Variants in SLC35A1 observed in about 807,000 individuals in gnomAD.
SLC35A1 encodes CMP-sialic acid transporter.
In SLC35A1, 21 loss-of-function variants were observed where a neutral mutation model predicts 40.3. The observed-to-expected ratio is 0.52, with a 90% CI of 0.37 to 0.75. The LOEUF is 0.75. Ranked by LOEUF, SLC35A1 falls within the 30% of genes least tolerant of loss-of-function variation. The pLI is 0.00. For synonymous variants in SLC35A1, 146 were observed against 147.3 expected (o/e 0.99, Z 0.06); for missense variants, 297 against 382.1 (o/e 0.78, Z 1.86).
intron 2 of SLC35A1, among the ~76,000 whole-genome samples, chr6:87,489,898 C>T (rs1284196257): frequency 6.6e-6 from 1 of 150,420 alleles, no homozygotes; most frequent in Non-Finnish European, 1.5e-5. Context: ...CAGACAAAGA[C>T]AGTATTTAAC....
At chr6:87,490,031 C>T (rs145705722) in intron 2 of SLC35A1, among the ~76,000 whole-genome samples, 299 of 151,932 alleles carry the variant, frequency 2.0e-3, no homozygotes, top group African/African-American at 7.0e-3. Context: ...GGGTTAAAGA[C>T]CAGCTTGGGC....
At chr6:87,500,422 TC>T in intron 2 of SLC35A1, 85 bp from the exon 3 acceptor site, 1 of 1,320,678 alleles carries the variant, frequency 7.6e-7, no homozygotes, top group Non-Finnish European at 1.1e-6. Context: ...AGTATGCTTG[TC>T]CTGTGTTTGA....
chr6:87,498,522 C>T (rs964101109), intron 2 of SLC35A1, among the ~76,000 whole-genome samples: 2 of 152,016 alleles, frequency 1.3e-5, no homozygotes, highest in African/African-American at 4.8e-5. Flanking sequence ...GCCTGTAATT[C>T]CAGCACTTTG....
At chr6:87,491,974 T>C (rs1253966960) in intron 2 of SLC35A1, among the ~76,000 whole-genome samples, 4 of 152,218 alleles carry the variant, frequency 2.6e-5, no homozygotes, top group African/African-American at 9.6e-5. Flanking sequence ...CCATAGCACA[T>C]TACACATACA....
At chr6:87,507,064 A>G (rs894393730) in intron 5 of SLC35A1, 1 of 152,676 alleles carries the variant, frequency 6.5e-6, no homozygotes, top group Non-Finnish European at 1.5e-5. Flanking sequence ...ATAAGAAAGT[A>G]TGAATATTAA....
intron 1 of SLC35A1, among the ~76,000 whole-genome samples, chr6:87,476,594 G>A (rs62419372): frequency 0.054 from 8,112 of 151,530 alleles, 236 homozygotes; most frequent in Middle Eastern, 0.079. Context: ...GTGTAGTGGC[G>A]GGTGCCTGTA....
intron 2 of SLC35A1, among the ~76,000 whole-genome samples, chr6:87,478,490 G>T (rs1393328654): frequency 6.6e-6 from 1 of 152,174 alleles, no homozygotes; most frequent in Non-Finnish European, 1.5e-5. Flanking sequence ...GTGAAGGGAA[G>T]CAGGGAGGAA....
chr6:87,483,006 C>G (rs1389974887), intron 2 of SLC35A1, among the ~76,000 whole-genome samples: 1 of 152,172 alleles, frequency 6.6e-6, no homozygotes, highest in African/African-American at 2.4e-5. Context: ...CGTCAGTGAT[C>G]TCAGTGCTTT....
At chr6:87,505,800 ATC>A (rs1298626731) in intron 4 of SLC35A1, among the ~76,000 whole-genome samples, 1 of 152,172 alleles carries the variant, frequency 6.6e-6, no homozygotes, top group African/African-American at 2.4e-5. Context: ...TGACCTAATC[ATC>A]TCTTAAATGC....
In SLC35A1 at chr6:87,509,128, T is replaced by C; in HGVS notation, c.839T>C (p.Ile280Thr). The change falls in exon 7 of 8, where the codon ATT becomes ACT. Residue 280 changes from isoleucine (I) to threonine (T), a missense_variant. Ile to Thr is a moderately conservative substitution (Grantham distance 89). Transcript: ENST00000369552. ...AAAGGCTTTTCTGCAGCAGCGGCCA[T>C]TGTCCTTTCCACCATTGCTTCAGTA... ...IMKGFSAAAA[I>T]VLSTIASVML... is the part of the protein sequence containing the mutation. The C allele has an allele frequency of 1.9e-6, 3 of 1,614,136 alleles. No homozygotes were observed. Among genetic ancestry groups the C allele is most frequent in the South Asian group, 1.1e-5 (1 of 91,080 alleles).
chr6:87,488,085 T>A (rs1381584006), intron 2 of SLC35A1: 1 of 152,132 alleles, frequency 6.6e-6, no homozygotes, highest in Non-Finnish European at 1.5e-5. Flanking sequence ...GAAAAAGATA[T>A]CAACAGTTTG....
At position 87,508,463 on chromosome 6, in the gene SLC35A1, T is replaced by C; in HGVS notation, c.618T>C (p.Leu206=). ...TTTTAAAGAGTTCAGATACTTCTCTTTGGGTGAGAAACATTCAAATGTATC... is the reference window on the plus strand; with the variant it reads ...TTTTAAAGAGTTCAGATACTTCTCTCTGGGTGAGAAACATTCAAATGTATC... ...EKVLKSSDTS[L]WVRNIQMYLS... is the part of the protein sequence containing the mutation. The change falls in exon 6 of 8, where the codon CTT becomes CTC. Residue 206 remains leucine (L), a synonymous_variant. Coordinates refer to ENST00000369552, the MANE Select transcript of SLC35A1 (RefSeq NM_006416.5). 1 of 1,612,004 alleles carries C rather than the reference T, an allele frequency of 6.2e-7. No individual in the cohort carries two copies.
intron 4 of SLC35A1, among the ~76,000 whole-genome samples, chr6:87,503,873 A>AT (rs1223217339): frequency 6.6e-6 from 1 of 152,188 alleles, no homozygotes; most frequent in Non-Finnish European, 1.5e-5. Context: ...ACTGATGACC[A>AT]TTAAGCTTTT....
intron 2 of SLC35A1, among the ~76,000 whole-genome samples, chr6:87,497,894 G>GTT (rs11304517): frequency 1.0e-4 from 15 of 142,964 alleles, no homozygotes; most frequent in East Asian, 2.0e-4. Context: ...ACTCCTGGCA[G>GTT]TTTTTTTTTT....
intron 4 of SLC35A1, among the ~76,000 whole-genome samples, chr6:87,504,473 C>CT (rs1228741494): frequency 6.6e-5 from 10 of 151,976 alleles, no homozygotes; most frequent in East Asian, 3.9e-4. Flanking sequence ...CTTATGTATT[C>CT]TTTTTTTTAC....
Position 87,499,124 on chromosome 6 carries a change from T to A in SLC35A1, c.195-1384T>A. 3.0e-6 allele frequency: 3 copies of A among 984,004 alleles called. No individual in the cohort carries two copies. In the South Asian group the frequency reaches 1.4e-4, roughly 46 times the overall value. The allele number at this position is 984,004 out of a possible 1,614,324, so 61.0% of individuals were successfully genotyped here. The stretch of plus-strand genomic sequence containing the variant: ...AGTTCCTGTCTTATTAATTAAGCAT[T>A]TTCTTGGAGGTAGAATGTTCTACAG... On this transcript the variant is annotated intron_variant, in intron 2 of 7. Coordinates refer to ENST00000369552, the MANE Select transcript of SLC35A1 (RefSeq NM_006416.5).
At chr6:87,509,322 C>A in intron 7 of SLC35A1, 147 bp downstream of exon 7, 1 of 1,046,662 alleles carries the variant, frequency 9.6e-7, no homozygotes, top group Non-Finnish European at 1.5e-6. Flanking sequence ...ACCAGTACAG[C>A]TGTTCATAGT....
In SLC35A1 at chr6:87,498,512, G is replaced by A. The variant is rs139674766; in HGVS notation, c.195-1996G>A. Among the ~76,000 whole-genome samples the A allele has an allele frequency of 2.7e-3, 404 of 152,190 alleles. 2 individuals are homozygous for A. Among genetic ancestry groups the A allele is most frequent in the Non-Finnish European group, 3.6e-3 (242 of 68,012 alleles). On this transcript the variant is annotated intron_variant, in intron 2 of 7. Transcript: ENST00000369552. ...ATGTTGGCCAGGTGCAGTGGCTCAT[G>A]CCTGTAATTCCAGCACTTTGGGAGG...
At chr6:87,505,549 C>T (rs1388245358) in intron 4 of SLC35A1, among the ~76,000 whole-genome samples, 1 of 152,126 alleles carries the variant, frequency 6.6e-6, no homozygotes, top group African/African-American at 2.4e-5. Flanking sequence ...TAACAGAATA[C>T]GCAGAGTGGG....
Sources: allele counts gnomAD v4.1 joint callset (sites outside exome capture counted in the v4.1 genomes callset), GRCh38; gene constraint gnomAD v4.1.1; transcripts MANE v1.5; gene names NCBI Gene and HGNC (gene_info 2026-07-23, HGNC 2026-07-21).